The following EME1 variants were observed in gnomAD, a reference collection of about 807,000 sequenced individuals.
EME1 encodes the protein structure-specific endonuclease subunit EME1.
In EME1, 61 loss-of-function variants were observed where a neutral mutation model predicts 59.1. The observed-to-expected ratio is 1.03, with a 90% CI of 0.84 to 1.28. The LOEUF (loss-of-function observed/expected upper bound fraction) is 1.28, where lower values mean the gene tolerates loss of function less well. Among genes scored for constraint, EME1 ranks in the 50% most tolerant of loss-of-function variants. The pLI, the probability that EME1 is intolerant of heterozygous loss-of-function variation, is 0.00. For synonymous variants in EME1, 230 were observed against 254.2 expected, an observed-to-expected ratio of 0.90 and a Z score of 0.90; for missense variants, 635 against 682.6, an observed-to-expected ratio of 0.93 and a Z score of 0.78.
At chr17:50,379,638 A>C in intron 7 of EME1, 71 bp downstream of exon 7, 2 of 1,349,442 alleles carry the variant, frequency 1.5e-6, no homozygotes, top group Admixed American at 1.9e-5. Context: ...AGTCAAAGCA[A>C]ATGTCCCTTT....
In EME1 at chr17:50,380,121, A is replaced by G. The variant is rs528128619; in HGVS notation, c.1347-191A>G. On this transcript the variant is annotated intron_variant, in intron 7 of 8. Coordinates refer to ENST00000338165, the MANE Select transcript of EME1 (RefSeq NM_152463.4). ...TATAATGGACTAGATGTAGTTTTTA[A>G]ATGAATCAGCAACTGGCCCTATACC... 30 of 568,816 alleles carry G rather than the reference A, an allele frequency of 5.3e-5. No homozygotes were observed. The Admixed American group carries it at 7.5e-4, about 14-fold the overall frequency. 35.2% of individuals were successfully genotyped at this position (568,816 alleles called of 1,614,324 possible).
chr17:50,379,466 G>A lies in EME1; in HGVS notation c.1245G>A (p.Leu415=). ...RVDAEEALVD[L]QLHTEAQAQI... ...TGGGTTTCTAGGCATTGGTGGATCT[G>A]CAGCTACACACAGAAGCCCAGGCTC... The change falls in exon 7 of 9, where the codon CTG becomes CTA. Residue 415 remains leucine (L), a synonymous_variant. Transcript: ENST00000338165. 6.2e-7 allele frequency: 1 copy of A among 1,614,124 alleles called. No homozygotes were observed. Among genetic ancestry groups the A allele is most frequent in the South Asian group, 1.1e-5 (1 of 91,052 alleles).
chr17:50,374,719 G>A lies in EME1; in HGVS notation c.-24-466G>A, dbSNP rs1200528282. Among the ~76,000 whole-genome samples the A allele has an allele frequency of 2.0e-5, 3 of 152,024 alleles. 1 individual carries two copies. The East Asian group carries it at 5.8e-4, about 29-fold the overall frequency. On this transcript the variant is annotated intron_variant, in intron 1 of 8. Coordinates refer to ENST00000338165, the MANE Select transcript of EME1 (RefSeq NM_152463.4). ...ATACAAAAATTAGCCAGGTGTGGTG[G>A]TGGGGCGCCTGTAATCCCAGCTAGG...
In EME1 at chr17:50,380,889, CT is replaced by C. The variant is rs1913794666; in HGVS notation, c.1665del (p.Gln556ArgfsTer2). 6 of 1,614,190 alleles carry C rather than the reference CT, an allele frequency of 3.7e-6. No individual in the cohort carries two copies. The highest frequency in any genetic ancestry group is 5.1e-6 in the Non-Finnish European group (6 of 1,180,034). On this transcript the variant is annotated frameshift_variant, in exon 9 of 9. Transcript: ENST00000338165. LOFTEE classifies it high-confidence loss of function. ...ACCAGAACTATCCAGGCGTATCTAC[CT>C]TCAGATGACCACTTTACAGCCACAT... is the stretch of plus-strand genomic sequence containing the variant. ...IGPELSRRIY[L>X]QMTTLQPHLS...
chr17:50,373,423 C>T (rs1224233859), intron 1 of EME1, 146 bp downstream of exon 1: 7 of 580,402 alleles, frequency 1.2e-5, no homozygotes, highest in African/African-American at 1.9e-5. Context: ...GGCAGGGGCC[C>T]GCTTGTCCCA....
chr17:50,379,200 G>A lies in EME1; in HGVS notation c.1206G>A (p.Met402Ile), dbSNP rs752110519. The A allele has an allele frequency of 5.6e-6, 9 of 1,614,166 alleles. No homozygotes were observed. The East Asian group carries it at 2.0e-4, about 36-fold the overall frequency. Residue 402 changes from methionine (M) to isoleucine (I), a missense_variant, in exon 6 of 9, where the codon ATG becomes ATA. Met to Ile is a conservative substitution (Grantham distance 10, BLOSUM62 1). Transcript: ENST00000338165. Reference protein sequence around the residue: ...QRQPEASIGSMVSRVDAEEAL... With the variant: ...QRQPEASIGSIVSRVDAEEAL... ...AACCAGAGGCCAGCATAGGGTCCAT[G>A]GTATCCAGGGTAGACGCTGAAGAGG...
rs752587627 is a variant in EME1 at position 50,376,196 on chromosome 17, AG to A, written c.903+5del. ...GGAGAAGGGCTGGGCCGTCTGAGGT[AG>A]GAGTTTTCTGGCTGACATTTCCTCC... On this transcript the variant is annotated splice_donor_region_variant and intron_variant, in intron 3 of 8. Transcript: ENST00000338165. The A allele has an allele frequency of 2.5e-6, 4 of 1,611,532 alleles. No homozygotes were observed. The highest frequency in any genetic ancestry group is 2.5e-6 in the Non-Finnish European group (3 of 1,178,822).
intron 1 of EME1, 53 bp downstream of exon 1, chr17:50,373,330 C>A (rs1913259025): frequency 1.1e-6 from 1 of 919,574 alleles, no homozygotes; most frequent in African/African-American, 1.6e-5. Context: ...CCCTCCTGAA[C>A]ACCGCTCTGC....
In EME1 at chr17:50,373,249, A is replaced by G. The variant is rs980576694; in HGVS notation, c.-53A>G. On this transcript the variant is annotated 5_prime_UTR_variant, in exon 1 of 9. Transcript: ENST00000338165. Reference sequence around the variant, plus strand: ...GATCTACTTCCGGGCCCTGCGTGGCAGTTGAAAGAGTGGCGGGAGAAGTTG... The same window carrying G: ...GATCTACTTCCGGGCCCTGCGTGGCGGTTGAAAGAGTGGCGGGAGAAGTTG... 3.2e-6 allele frequency: 5 copies of G among 1,576,494 alleles called. No individual in the cohort carries two copies. In the Admixed American group the frequency reaches 5.2e-5, roughly 16 times the overall value.
intron 1 of EME1, among the ~76,000 whole-genome samples, chr17:50,374,493 C>T (rs1051338874): frequency 6.6e-6 from 1 of 152,102 alleles, no homozygotes; most frequent in African/African-American, 2.4e-5. Context: ...TCTGCTTTGG[C>T]CTCCCAAAGT....
chr17:50,373,308 T>TGG, intron 1 of EME1, 31 bp downstream of exon 1: 1 of 1,193,318 alleles, frequency 8.4e-7, no homozygotes, highest in Non-Finnish European at 1.2e-6. Flanking sequence ...GCCTGCGGAT[T>TGG]GGGCAGGGCT....
chr17:50,374,853 AAAG>A (rs1000622582), intron 1 of EME1, among the ~76,000 whole-genome samples: 16 of 152,226 alleles, frequency 1.1e-4, no homozygotes, highest in South Asian at 4.1e-4. Context: ...CAAAAAAAAA[AAAG>A]AAGAACTTTT....
intron 7 of EME1, 77 bp downstream of exon 7, chr17:50,379,644 C>A: frequency 1.6e-6 from 2 of 1,262,918 alleles, no homozygotes; most frequent in Non-Finnish European, 2.3e-6. Context: ...AGCAAATGTC[C>A]CTTTCCCCTC....
In EME1 at chr17:50,375,868, G is replaced by A; in HGVS notation, c.660G>A (p.Arg220=). 6.2e-7 allele frequency: 1 copy of A among 1,614,152 alleles called. No individual in the cohort carries two copies. Among genetic ancestry groups the A allele is most frequent in the Non-Finnish European group, 8.5e-7 (1 of 1,180,026 alleles). Residue 220 remains arginine, a synonymous_variant, in exon 2 of 9, where the codon AGG becomes AGA. Coordinates refer to ENST00000338165, the MANE Select transcript of EME1 (RefSeq NM_152463.4). ...GATGCCGGCAGCAGAGACAAGCAAGGCAGAAGGAAAGCACCCTGAGAAGAC... is the reference window on the plus strand; with the variant it reads ...GATGCCGGCAGCAGAGACAAGCAAGACAGAAGGAAAGCACCCTGAGAAGAC... ...SHGCRQQRQA[R]QKESTLRRQE...
intron 8 of EME1, 57 bp downstream of exon 8, chr17:50,380,558 C>A: frequency 6.3e-7 from 1 of 1,587,614 alleles, no homozygotes; most frequent in South Asian, 1.1e-5. Flanking sequence ...TCAGTGGGCC[C>A]CCAGATTTCC....
At position 50,378,621 on chromosome 17, in the gene EME1, A is replaced by C. The variant is rs1481401663; in HGVS notation, c.930A>C (p.Pro310=). ...ACAGAGAGGACTGGGTGGAGGAGCC[A>C]ACAGTACTGGTGTTGCTCCGGGCAG... The part of the protein sequence containing the change: ...SEDREDWVEE[P]TVLVLLRAEA... Residue 310 remains proline (P), a synonymous_variant, in exon 4 of 9, where the codon CCA becomes CCC. Coordinates refer to ENST00000338165, the MANE Select transcript of EME1 (RefSeq NM_152463.4). The C allele has an allele frequency of 6.2e-7, 1 of 1,613,914 alleles. No individual in the cohort carries two copies. Among genetic ancestry groups the C allele is most frequent in the Non-Finnish European group, 8.5e-7 (1 of 1,180,008 alleles).
intron 3 of EME1, among the ~76,000 whole-genome samples, chr17:50,377,440 T>C (rs1257209576): frequency 6.6e-6 from 1 of 152,196 alleles, no homozygotes; most frequent in Non-Finnish European, 1.5e-5. Context: ...ATCAGAAAAC[T>C]TTCTATCAAA....
chr17:50,375,864 C>A lies in EME1; in HGVS notation c.656C>A (p.Ala219Glu). Residue 219 changes from alanine to glutamate, a missense_variant, in exon 2 of 9, where the codon GCA (alanine) becomes GAA (glutamate). Coordinates refer to ENST00000338165, the MANE Select transcript of EME1 (RefSeq NM_152463.4). ...GSHGCRQQRQ[A>E]RQKESTLRRQ... ...CACGGATGCCGGCAGCAGAGACAAG[C>A]AAGGCAGAAGGAAAGCACCCTGAGA... is the stretch of plus-strand genomic sequence containing the variant. The A allele has an allele frequency of 6.2e-7, 1 of 1,614,152 alleles. No homozygotes were observed. The highest frequency in any genetic ancestry group is 1.3e-5 in the African/African-American group (1 of 75,012).
Position 50,379,542 on chromosome 17 carries a change from A to G in EME1, c.1321A>G (p.Lys441Glu). 1 of 1,614,140 alleles carries G rather than the reference A, an allele frequency of 6.2e-7. No individual in the cohort carries two copies. Among genetic ancestry groups the G allele is most frequent in the Non-Finnish European group, 8.5e-7 (1 of 1,180,020 alleles). Residue 441 changes from lysine (K) to glutamate (E), a missense_variant, in exon 7 of 9, where the codon AAG becomes GAG. By Grantham distance (56) the Lys-to-Glu change is moderately conservative. Transcript: ENST00000338165. ...ELADFTCAFTKAVAEAPFKKL... is the reference protein window; with the variant it reads ...ELADFTCAFTEAVAEAPFKKL... Reference sequence around the variant, plus strand: ...GGCCGACTTCACATGCGCATTCACAAAGGCTGTGGCTGAGGCGCCCTTCAA... The same window carrying G: ...GGCCGACTTCACATGCGCATTCACAGAGGCTGTGGCTGAGGCGCCCTTCAA...
Sources: gnomAD v4.1 joint callset for allele counts (sites outside exome capture counted in the v4.1 genomes callset) on GRCh38, gnomAD v4.1.1 for gene constraint, MANE v1.5 for transcripts, NCBI Gene and HGNC (gene_info 2026-07-23, HGNC 2026-07-21) for gene names.